The following SLC25A48 variants were observed in gnomAD, a reference collection of about 807,000 sequenced individuals.
SLC25A48 encodes the protein solute carrier family 25 member 48, also known as CTC-321K16.1.
A neutral mutation model predicts 32.2 loss-of-function variants in SLC25A48; 29 were observed. The ratio of observed to expected loss-of-function variants is 0.90; its 90% CI spans 0.67 to 1.23. SLC25A48 has a LOEUF of 1.23. SLC25A48 is among the 50% of genes most tolerant of loss of function. SLC25A48 has a pLI of 0.00. For synonymous variants in SLC25A48, 164 were observed against 172.3 expected, an observed-to-expected ratio of 0.95 and a Z score of 0.38; for missense variants, 399 against 422.7, an observed-to-expected ratio of 0.94 and a Z score of 0.49.
intron 3 of SLC25A48, among the ~76,000 whole-genome samples, chr5:135,761,461 A>G (rs1360239197): frequency 6.6e-6 from 1 of 152,090 alleles, no homozygotes; most frequent in Non-Finnish European, 1.5e-5. Flanking sequence ...TAAAATATAT[A>G]TATAAAAAAA....
chr5:135,713,904 G>A (rs1032634125), intron 3 of SLC25A48, among the ~76,000 whole-genome samples: 1 of 152,216 alleles, frequency 6.6e-6, no homozygotes, highest in Admixed American at 6.5e-5. Context: ...GGTTGGTCGT[G>A]TGGGAAACCA....
chr5:135,813,901 G>A (rs566518550), intron 4 of SLC25A48, among the ~76,000 whole-genome samples: 2 of 152,146 alleles, frequency 1.3e-5, no homozygotes, highest in Non-Finnish European at 2.9e-5. Flanking sequence ...CCCCCAAGCC[G>A]GCTCTGGGTG....
At chr5:135,643,001 C>A (rs115908251) in intron 3 of SLC25A48, among the ~76,000 whole-genome samples, 2 of 152,120 alleles carry the variant, frequency 1.3e-5, no homozygotes, top group Admixed American at 6.5e-5. Context: ...GGAGCCAGGG[C>A]GGCAGCAACG....
chr5:135,809,325 T>C (rs1399431526), intron 3 of SLC25A48, among the ~76,000 whole-genome samples: 1 of 152,062 alleles, frequency 6.6e-6, no homozygotes, highest in East Asian at 1.9e-4. Context: ...TTATAGAATA[T>C]AGAGTTGAAT....
chr5:135,653,287 C>T (rs372407387), intron 3 of SLC25A48, among the ~76,000 whole-genome samples: 16 of 152,142 alleles, frequency 1.1e-4, no homozygotes, highest in African/African-American at 3.4e-4. Context: ...AGTGATTGAT[C>T]CTGATTACCA....
chr5:135,818,113 C>A (rs1360224438), intron 4 of SLC25A48, among the ~76,000 whole-genome samples: 1 of 116,620 alleles, frequency 8.6e-6, no homozygotes, highest in South Asian at 2.9e-4. Context: ...CTCTCTCTCT[C>A]TCTCTCCCTC....
chr5:135,788,944 A>G lies in SLC25A48; in HGVS notation c.-520-23579A>G, dbSNP rs1043136393. Among the ~76,000 whole-genome samples the G allele has an allele frequency of 2.8e-4, 42 of 148,362 alleles. No individual in the cohort carries two copies. The Middle Eastern group carries it at 0.012, about 42-fold the overall frequency. On this transcript the variant is annotated intron_variant, in intron 3 of 10. Transcript: ENST00000646290. The stretch of plus-strand genomic sequence containing the variant: ...TAATATCCGGGGGGAAGAGGGTGGT[A>G]TTACTTCCCATGTGTGGAGGGTGTC...
chr5:135,588,703 G>A (rs564648458), intron 1 of SLC25A48, among the ~76,000 whole-genome samples: 26 of 152,284 alleles, frequency 1.7e-4, no homozygotes, highest in Admixed American at 1.6e-3. Flanking sequence ...AAGGTGACCC[G>A]CAGGGACAGG....
chr5:135,846,267 G>A (rs192819309), intron 2 of SLC25A48, among the ~76,000 whole-genome samples: 4 of 152,284 alleles, frequency 2.6e-5, no homozygotes, highest in East Asian at 1.9e-4. Context: ...GGTTCCTGGC[G>A]CCAAAAATGT....
At chr5:135,874,471 A>C (rs1761897488) in intron 6 of SLC25A48, among the ~76,000 whole-genome samples, 1 of 152,126 alleles carries the variant, frequency 6.6e-6, no homozygotes, top group African/African-American at 2.4e-5. Context: ...CCTTCTCATC[A>C]AGATAGGTTG....
intron 4 of SLC25A48, among the ~76,000 whole-genome samples, chr5:135,853,128 A>G (rs1760030765): frequency 6.6e-6 from 1 of 152,226 alleles, no homozygotes; most frequent in Non-Finnish European, 1.5e-5. Context: ...ATATACCTTA[A>G]TTAAAAAATA....
intron 3 of SLC25A48, among the ~76,000 whole-genome samples, chr5:135,689,836 T>C (rs967476150): frequency 3.9e-5 from 6 of 152,226 alleles, no homozygotes; most frequent in African/African-American, 1.4e-4. Context: ...GAAGATACGA[T>C]TTTATTCAAA....
At chr5:135,666,080 C>A (rs1238489539) in intron 3 of SLC25A48, among the ~76,000 whole-genome samples, 1 of 152,208 alleles carries the variant, frequency 6.6e-6, no homozygotes, top group African/African-American at 2.4e-5. Flanking sequence ...GTGCCATGAA[C>A]CAGTGACAGA....
intron 1 of SLC25A48, among the ~76,000 whole-genome samples, chr5:135,596,548 T>C (rs987549841): frequency 6.6e-6 from 1 of 152,210 alleles, no homozygotes; most frequent in Non-Finnish European, 1.5e-5. Context: ...ATTGTCTGAA[T>C]GATCTCTTTC....
intron 3 of SLC25A48, among the ~76,000 whole-genome samples, chr5:135,706,231 C>T (rs569509739): frequency 6.6e-6 from 1 of 152,138 alleles, no homozygotes; most frequent in Non-Finnish European, 1.5e-5. Context: ...TCATGAGCCT[C>T]CAGGACTCCT....
intron 4 of SLC25A48, among the ~76,000 whole-genome samples, chr5:135,828,687 C>G (rs1758128066): frequency 6.6e-6 from 1 of 152,236 alleles, no homozygotes; most frequent in Non-Finnish European, 1.5e-5. Context: ...CAGAGATGGG[C>G]CTTTCATCCA....
At position 135,742,409 on chromosome 5, in the gene SLC25A48, G is replaced by C. The variant is rs952732711; in HGVS notation, c.-520-70114G>C. On this transcript the variant is annotated intron_variant, in intron 3 of 10. Coordinates refer to the SLC25A48 transcript ENST00000646290. Reference sequence around the variant, plus strand: ...GAATCCGTTATTTAATAGCCATCACGACCCTCAGATAGAATGAACATCTCC... The same window carrying C: ...GAATCCGTTATTTAATAGCCATCACCACCCTCAGATAGAATGAACATCTCC... 3.7e-6 allele frequency: 5 copies of C among 1,349,404 alleles called. No homozygotes were observed. In the African/African-American group the frequency reaches 7.5e-5, roughly 20 times the overall value. 83.6% of individuals were successfully genotyped at this position (1,349,404 alleles called of 1,614,324 possible).
At chr5:135,818,054 CCT>C (rs58632457) in intron 4 of SLC25A48, among the ~76,000 whole-genome samples, 230 of 80,584 alleles carry the variant, frequency 2.9e-3, no homozygotes, top group East Asian at 6.4e-3. Context: ...TCTCTCTGTT[CCT>C]CTCTCTCTCT....
intron 3 of SLC25A48, among the ~76,000 whole-genome samples, chr5:135,728,883 CAT>C (rs1554070127): frequency 8.4e-4 from 122 of 144,840 alleles, no homozygotes; most frequent in African/African-American, 3.1e-3. Context: ...CACACACACA[CAT>C]ACACACACAC....
Sources: gnomAD v4.1 joint callset for allele counts (sites outside exome capture counted in the v4.1 genomes callset) on GRCh38, gnomAD v4.1.1 for gene constraint, MANE v1.5 for transcripts, NCBI Gene and HGNC (gene_info 2026-07-23, HGNC 2026-07-21) for gene names.